Variants in CUX2 observed in about 807,000 individuals in gnomAD.
The protein encoded by CUX2 is cut like homeobox 2.
A neutral mutation model predicts 144.8 loss-of-function variants in CUX2; 40 were observed. That is an observed-to-expected ratio of 0.28 (90% CI 0.21 to 0.36). CUX2 has a LOEUF of 0.36. Among genes scored for constraint, CUX2 ranks in the 10% least tolerant of loss-of-function variants. The pLI is 1.00. For synonymous variants in CUX2, 827 were observed against 875.6 expected (o/e 0.94, Z 0.98); for missense variants, 1,615 against 1,994.0 (o/e 0.81, Z 3.62).
chr12:111,095,711 T>TGAGTTATA (rs1872775484), intron 1 of CUX2, among the ~76,000 whole-genome samples: 1 of 152,190 alleles, frequency 6.6e-6, no homozygotes, highest in African/African-American at 2.4e-5. Context: ...ACTCAGTGTG[T>TGAGTTATA]GAGTTATAGC....
chr12:111,290,094 G>A (rs905040898), intron 4 of CUX2, among the ~76,000 whole-genome samples: 7 of 152,184 alleles, frequency 4.6e-5, no homozygotes, highest in Non-Finnish European at 7.4e-5. Context: ...AGTGCCCCTC[G>A]CTGTAGTTGG....
chr12:111,252,724 C>G (rs1883620877), intron 3 of CUX2, among the ~76,000 whole-genome samples: 1 of 151,094 alleles, frequency 6.6e-6, no homozygotes. Context: ...CCCGCCTGGG[C>G]TCTGAGGGAG....
chr12:111,074,599 T>G (rs770571478), intron 1 of CUX2, among the ~76,000 whole-genome samples: 3 of 151,932 alleles, frequency 2.0e-5, no homozygotes, highest in Non-Finnish European at 2.9e-5. Context: ...GAGCTGCCCC[T>G]CAGCTCAGCC....
At chr12:111,213,515 G>T (rs1881349135) in intron 1 of CUX2, among the ~76,000 whole-genome samples, 1 of 152,076 alleles carries the variant, frequency 6.6e-6, no homozygotes, top group South Asian at 2.1e-4. Flanking sequence ...AGCCAGCAAA[G>T]CACCTTCCAA....
In CUX2 at chr12:111,312,016, G is replaced by A; in HGVS notation, c.1901-84G>A. ...TCTGACCCTCACTCTTCTGGGAGGA[G>A]GAGACAGCCCCCCTACCCCACCAGG... On this transcript the variant is annotated intron_variant, in intron 15 of 21. Coordinates refer to ENST00000261726, the MANE Select transcript of CUX2 (RefSeq NM_015267.4). This position sits in a 1 kb window ranked among gnomAD's most constrained non-coding sequence, Gnocchi z 4.3. The A allele has an allele frequency of 8.5e-7, 1 of 1,171,410 alleles. No homozygotes were observed. Among genetic ancestry groups the A allele is most frequent in the South Asian group, 1.4e-5 (1 of 70,078 alleles). The allele number at this position is 1,171,410 out of a possible 1,614,324, so 72.6% of individuals were successfully genotyped here. A position where few individuals can be genotyped will look rare whatever the true frequency, so the allele number is the denominator to read the frequency against.
At chr12:111,175,341 CTTTTT>C (rs5800922) in intron 1 of CUX2, among the ~76,000 whole-genome samples, 13 of 124,128 alleles carry the variant, frequency 1.0e-4, no homozygotes, top group African/African-American at 3.4e-4. Context: ...CCACCCACAC[CTTTTT>C]TTTTTTTTTT....
At chr12:111,222,952 T>C (rs1375181539) in intron 3 of CUX2, among the ~76,000 whole-genome samples, 1 of 152,216 alleles carries the variant, frequency 6.6e-6, no homozygotes, top group Non-Finnish European at 1.5e-5. Flanking sequence ...TGCTGCATAC[T>C]AGGCAGGGTT....
At chr12:111,201,169 G>A (rs541672427) in intron 1 of CUX2, among the ~76,000 whole-genome samples, 1 of 152,106 alleles carries the variant, frequency 6.6e-6, no homozygotes. Flanking sequence ...TTGGCTCCTT[G>A]CCAGTCCCTG....
At chr12:111,275,496 G>A (rs898815526) in intron 4 of CUX2, among the ~76,000 whole-genome samples, 2 of 152,208 alleles carry the variant, frequency 1.3e-5, no homozygotes, top group Admixed American at 6.5e-5. Context: ...TGTGTCGGCT[G>A]GAAGGCTTCC....
intron 10 of CUX2, 147 bp from the exon 11 acceptor site, chr12:111,306,774 A>G (rs1886605821): frequency 1.6e-6 from 1 of 633,424 alleles, no homozygotes; most frequent in Admixed American, 2.8e-5. Flanking sequence ...AGTATACAAC[A>G]CTTTGAATTT....
At chr12:111,054,109 G>A (rs149361927) in intron 1 of CUX2, among the ~76,000 whole-genome samples, 6,009 of 152,230 alleles carry the variant, frequency 0.039, 405 homozygotes, top group African/African-American at 0.14. Context: ...AACCGAGATC[G>A]CGCCACTGCA....
At chr12:111,208,472 G>A (rs1881036757) in intron 1 of CUX2, among the ~76,000 whole-genome samples, 1 of 152,158 alleles carries the variant, frequency 6.6e-6, no homozygotes, top group Non-Finnish European at 1.5e-5. Flanking sequence ...CAGACGAATT[G>A]AGAATGCTAG....
intron 4 of CUX2, among the ~76,000 whole-genome samples, chr12:111,290,069 G>A (rs557321634): frequency 6.6e-6 from 1 of 152,338 alleles, no homozygotes; most frequent in African/African-American, 2.4e-5. Context: ...CAGAGCAGCA[G>A]CCAGATCCTT....
chr12:111,177,214 G>A (rs966503663), intron 1 of CUX2, among the ~76,000 whole-genome samples: 3 of 152,014 alleles, frequency 2.0e-5, no homozygotes, highest in Admixed American at 6.6e-5. Flanking sequence ...AGCAGGGCCC[G>A]CGTTTACTTG....
At chr12:111,038,434 C>T (rs1330951112) in intron 1 of CUX2, among the ~76,000 whole-genome samples, 1 of 152,236 alleles carries the variant, frequency 6.6e-6, no homozygotes, top group East Asian at 1.9e-4. Flanking sequence ...GCCCGCAGAG[C>T]TTGGCATGGC....
intron 1 of CUX2, among the ~76,000 whole-genome samples, chr12:111,184,051 A>G (rs1326013867): frequency 6.6e-6 from 1 of 152,114 alleles, no homozygotes; most frequent in Non-Finnish European, 1.5e-5. Flanking sequence ...CATCCTCGGC[A>G]TGGCTGCAGG....
rs1566195105 is a variant in CUX2 at position 111,061,189 on chromosome 12, C to T, written c.63+26949C>T. 6.7e-6 allele frequency among the ~76,000 whole-genome samples: 1 copy of T among 149,836 alleles called. No homozygotes were observed. The highest frequency in any genetic ancestry group is 2.5e-5 in the African/African-American group (1 of 39,894). On this transcript the variant is annotated intron_variant, in intron 1 of 21. Transcript: ENST00000261726. This position sits in a 1 kb window ranked among gnomAD's most constrained non-coding sequence, Gnocchi z 4.2. The stretch of plus-strand genomic sequence containing the variant: ...GTGTGCATGCATATGCACACACACA[C>T]ACACACACACACACACACACACACA...
chr12:111,231,689 A>C (rs1237871576), intron 3 of CUX2, among the ~76,000 whole-genome samples: 1 of 152,260 alleles, frequency 6.6e-6, no homozygotes, highest in Non-Finnish European at 1.5e-5. Flanking sequence ...AATATTTTTT[A>C]AACCACTAAA....
At chr12:111,216,967 A>G (rs555710856) in intron 2 of CUX2, among the ~76,000 whole-genome samples, 3 of 152,122 alleles carry the variant, frequency 2.0e-5, no homozygotes, top group East Asian at 3.9e-4. Context: ...AGTGCCTCCC[A>G]TGGGGATTAC....
Sources: gnomAD v4.1 joint callset for allele counts (sites outside exome capture counted in the v4.1 genomes callset) on GRCh38, gnomAD v4.1.1 for gene constraint, Gnocchi (gnomAD v3.1) non-coding constraint, MANE v1.5 for transcripts, NCBI Gene and HGNC (gene_info 2026-07-23, HGNC 2026-07-21) for gene names.